Variants in SLC44A5 observed in about 807,000 individuals in gnomAD.
The protein encoded by SLC44A5 is choline transporter-like protein 5.
Under a neutral mutation model 101.8 loss-of-function variants are expected in SLC44A5, and 57 were observed. The observed-to-expected ratio is 0.56, with a 90% CI of 0.45 to 0.70. The LOEUF (loss-of-function observed/expected upper bound fraction) is 0.70, where lower values mean the gene tolerates loss of function less well. Among genes scored for constraint, SLC44A5 ranks in the 30% least tolerant of loss-of-function variants. SLC44A5 has a pLI of 0.00. For synonymous variants in SLC44A5, 281 were observed against 290.9 expected, an observed-to-expected ratio of 0.97 and a Z score of 0.35; for missense variants, 737 against 853.1, an observed-to-expected ratio of 0.86 and a Z score of 1.70.
At chr1:75,218,374 A>G (rs1647005241) in intron 17 of SLC44A5, 116 bp downstream of exon 17, 1 of 1,385,004 alleles carries the variant, frequency 7.2e-7, no homozygotes, top group Non-Finnish European at 9.9e-7. Context: ...ATGAATTTTG[A>G]TTCATACCTT....
At chr1:75,722,483 C>T in the SLC44A5 span, among the ~76,000 whole-genome samples, 2 of 152,128 alleles carry the variant, frequency 1.3e-5, no homozygotes, top group Non-Finnish European at 2.9e-5. Context: ...CTGCGTATGC[C>T]ACCCAGGAGG....
chr1:75,299,803 G>A (rs900012018), intron 5 of SLC44A5, among the ~76,000 whole-genome samples: 2 of 151,046 alleles, frequency 1.3e-5, no homozygotes, highest in South Asian at 2.1e-4. Context: ...GAGGTCAGGA[G>A]ATCAAGACCA....
intron 6 of SLC44A5, among the ~76,000 whole-genome samples, chr1:75,266,316 A>AACACAC (rs1435292514): frequency 3.1e-4 from 18 of 57,734 alleles, no homozygotes; most frequent in Non-Finnish European, 6.0e-4. Context: ...TTGGCATAGA[A>AACACAC]ATACACACAC....
At chr1:75,642,108 G>A in the SLC44A5 span, 3 of 1,129,092 alleles carry the variant, frequency 2.7e-6, no homozygotes, top group East Asian at 5.0e-5. Context: ...ATTTGATGTA[G>A]ATATAATTGA....
At chr1:75,532,971 A>C (rs927439644) in intron 2 of SLC44A5, among the ~76,000 whole-genome samples, 2 of 152,250 alleles carry the variant, frequency 1.3e-5, no homozygotes, top group African/African-American at 4.8e-5. Context: ...TTAGCAATCT[A>C]AACTTTCCTT....
chr1:75,561,269 T>G (rs1293808224), intron 1 of SLC44A5, among the ~76,000 whole-genome samples: 1 of 152,166 alleles, frequency 6.6e-6, no homozygotes, highest in African/African-American at 2.4e-5. Context: ...ATTAGTAAAT[T>G]TCATGACAAA....
chr1:75,677,765 T>C, the SLC44A5 span: 3 of 439,734 alleles, frequency 6.8e-6, no homozygotes, highest in Middle Eastern at 6.7e-4. Context: ...GGAACCAAGA[T>C]GGCCGAATAG....
chr1:75,471,596 T>C (rs1570377424), intron 2 of SLC44A5, among the ~76,000 whole-genome samples: 1 of 152,286 alleles, frequency 6.6e-6, no homozygotes, highest in Middle Eastern at 3.4e-3. Flanking sequence ...AGAGCTCATG[T>C]CTCTTCTCCA....
intron 2 of SLC44A5, among the ~76,000 whole-genome samples, chr1:75,475,678 T>A (rs1181477286): frequency 6.6e-6 from 1 of 152,164 alleles, no homozygotes; most frequent in East Asian, 1.9e-4. Context: ...ATACCCATAA[T>A]GGAAACATTA....
intron 2 of SLC44A5, among the ~76,000 whole-genome samples, chr1:75,513,922 T>C (rs1669692203): frequency 6.6e-6 from 1 of 152,206 alleles, no homozygotes; most frequent in South Asian, 2.1e-4. Flanking sequence ...AGCCTTGAAC[T>C]ACTGGGCTCA....
intron 2 of SLC44A5, among the ~76,000 whole-genome samples, chr1:75,537,517 G>C (rs982138200): frequency 6.6e-6 from 1 of 151,494 alleles, no homozygotes; most frequent in African/African-American, 2.4e-5. Context: ...GAAAAAGGAG[G>C]AGAGAAAGAA....
At chr1:75,219,698 A>T in intron 15 of SLC44A5, 102 bp downstream of exon 15, 1 of 727,278 alleles carries the variant, frequency 1.4e-6, no homozygotes, top group Non-Finnish European at 2.3e-6. Flanking sequence ...TTCTTAGTAC[A>T]TTCCTCATCT....
intron 6 of SLC44A5, among the ~76,000 whole-genome samples, chr1:75,254,889 G>A (rs546033444): frequency 6.6e-6 from 1 of 152,198 alleles, no homozygotes; most frequent in Admixed American, 6.5e-5. Context: ...GAAAATAGCT[G>A]ATGAGCTAAA....
Position 75,455,698 on chromosome 1 carries a change from G to T in SLC44A5, c.14-59077C>A, listed in dbSNP as rs144943616. On this transcript the variant is annotated intron_variant, in intron 2 of 23. Coordinates refer to ENST00000370859, the MANE Select transcript of SLC44A5 (RefSeq NM_001130058.2). Reference sequence around the variant, plus strand: ...TAACCCCATTGAAAAGTAGGCAAAAGACATGAACAAACACTTCTCAAAATA... The same window carrying T: ...TAACCCCATTGAAAAGTAGGCAAAATACATGAACAAACACTTCTCAAAATA... 5.3e-3 allele frequency among the ~76,000 whole-genome samples: 799 copies of T among 152,072 alleles called. 7 individuals carry two copies. Among genetic ancestry groups the T allele is most frequent in the African/African-American group, 0.018 (753 of 41,510 alleles).
intron 2 of SLC44A5, among the ~76,000 whole-genome samples, chr1:75,503,439 C>T (rs77984450): frequency 0.18 from 27,291 of 151,950 alleles, 2,614 homozygotes; most frequent in Middle Eastern, 0.24. Context: ...CCTTTGCTCT[C>T]TCTCTCCTGC....
At chr1:75,285,276 G>T (rs1191360217) in intron 5 of SLC44A5, among the ~76,000 whole-genome samples, 3 of 151,976 alleles carry the variant, frequency 2.0e-5, no homozygotes, top group Admixed American at 6.6e-5. Flanking sequence ...TCTAGTTTGT[G>T]CATATACAGG....
chr1:75,469,010 C>A (rs568749102), intron 2 of SLC44A5, among the ~76,000 whole-genome samples: 1 of 152,046 alleles, frequency 6.6e-6, no homozygotes, highest in African/African-American at 2.4e-5. Context: ...TATTGCATGC[C>A]AGGTATGCAA....
At chr1:75,351,254 T>C (rs186798386) in intron 3 of SLC44A5, among the ~76,000 whole-genome samples, 1 of 152,136 alleles carries the variant, frequency 6.6e-6, no homozygotes, top group East Asian at 2.0e-4. Flanking sequence ...ATGGTAAAGA[T>C]TGTAACACAT....
At chr1:75,537,028 AAAAAAATAT>A (rs1275773586) in intron 2 of SLC44A5, among the ~76,000 whole-genome samples, 34 of 54,934 alleles carry the variant, frequency 6.2e-4, no homozygotes, top group South Asian at 1.1e-3. Context: ...AAAAAAAAAA[AAAAAAATAT>A]ATATCTATGC....
Sources: allele counts gnomAD v4.1 joint callset (sites outside exome capture counted in the v4.1 genomes callset), GRCh38; gene constraint gnomAD v4.1.1; transcripts MANE v1.5; gene names NCBI Gene and HGNC (gene_info 2026-07-23, HGNC 2026-07-21).